The following HEATR1 variants were observed in gnomAD, a reference collection of about 807,000 sequenced individuals.
The protein encoded by HEATR1 is HEAT repeat-containing protein 1.
Under a neutral mutation model 248.2 loss-of-function variants are expected in HEATR1, and 77 were observed. The ratio of observed to expected loss-of-function variants is 0.31; its 90% CI spans 0.26 to 0.37. The LOEUF (loss-of-function observed/expected upper bound fraction) is 0.37, where lower values mean the gene tolerates loss of function less well. Ranked by LOEUF, HEATR1 falls within the 10% of genes least tolerant of loss-of-function variation. The pLI is 1.00. For missense variants in HEATR1, 2,420 were observed against 2,504.9 expected (o/e 0.97, Z 0.72); for synonymous variants, 897 against 923.1 (o/e 0.97, Z 0.51).
At chr1:236,588,422 TC>T (rs1477570444) in intron 12 of HEATR1, among the ~76,000 whole-genome samples, 1 of 152,232 alleles carries the variant, frequency 6.6e-6, no homozygotes, top group African/African-American at 2.4e-5. Context: ...GTAACTTTAG[TC>T]AAGTCACTTA....
intron 28 of HEATR1, 135 bp downstream of exon 28, chr1:236,571,216 G>A: frequency 9.3e-7 from 1 of 1,078,716 alleles, no homozygotes; most frequent in Non-Finnish European, 1.3e-6. Flanking sequence ...TGAAGAGGCA[G>A]GGCTGAGAGT....
At chr1:236,560,903 A>G (rs995215246) in intron 33 of HEATR1, among the ~76,000 whole-genome samples, 4 of 152,250 alleles carry the variant, frequency 2.6e-5, no homozygotes, top group Non-Finnish European at 4.4e-5. Context: ...GAGTGTTGGG[A>G]TAATTAGGGA....
chr1:236,572,395 A>AAC lies in HEATR1; in HGVS notation c.3707+15_3707+16insGT. On this transcript the variant is annotated intron_variant, in intron 26 of 44. Coordinates refer to ENST00000366582, the MANE Select transcript of HEATR1 (RefSeq NM_018072.6). ...AGAGTCCTATTCTCTCACAGATCAAAGCCAAGTGTCATTACCTTGATAGCA... is the reference window on the plus strand; with the variant it reads ...AGAGTCCTATTCTCTCACAGATCAAAACGCCAAGTGTCATTACCTTGATAGCA... 1 of 1,613,480 alleles carries AAC rather than the reference A, an allele frequency of 6.2e-7. No homozygotes were observed. Among genetic ancestry groups the AAC allele is most frequent in the African/African-American group, 1.3e-5 (1 of 75,012 alleles).
chr1:236,603,149 C>A lies in HEATR1; in HGVS notation c.359+11G>T. On this transcript the variant is annotated intron_variant, in intron 3 of 44. Transcript: ENST00000366582. ...TTAACCCATAGTTATTTCTGTAATTCTATTAGCTACCTGTGAATCAACCAC... is the reference window on the plus strand; with the variant it reads ...TTAACCCATAGTTATTTCTGTAATTATATTAGCTACCTGTGAATCAACCAC... 1 of 1,596,998 alleles carries A rather than the reference C, an allele frequency of 6.3e-7. No homozygotes were observed. The highest frequency in any genetic ancestry group is 1.1e-5 in the South Asian group (1 of 90,744).
intron 37 of HEATR1, among the ~76,000 whole-genome samples, chr1:236,556,773 G>C (rs1662990248): frequency 6.6e-6 from 1 of 152,156 alleles, no homozygotes; most frequent in Non-Finnish European, 1.5e-5. Flanking sequence ...CTGGCCCCTA[G>C]CGTGTTGACA....
chr1:236,599,413 T>C (rs1429126260), intron 4 of HEATR1, 70 bp downstream of exon 4: 2 of 1,378,794 alleles, frequency 1.5e-6, no homozygotes, highest in African/African-American at 1.4e-5. Flanking sequence ...CAATGACTTA[T>C]TTTTTCCTAA....
chr1:236,559,537 AT>A (rs1663066692), intron 34 of HEATR1, among the ~76,000 whole-genome samples, 176 bp downstream of exon 34: 1 of 152,156 alleles, frequency 6.6e-6, no homozygotes, highest in Non-Finnish European at 1.5e-5. Flanking sequence ...TAAGGAAACA[AT>A]TTTTTCCAGA....
In HEATR1 at chr1:236,581,377, C is replaced by G; in HGVS notation, c.2600G>C (p.Cys867Ser). 6.4e-7 allele frequency: 1 copy of G among 1,560,242 alleles called. No homozygotes were observed. Residue 867 changes from cysteine to serine, a missense_variant, in exon 20 of 45, where the codon TGT (cysteine) becomes TCT (serine). Coordinates refer to ENST00000366582, the MANE Select transcript of HEATR1 (RefSeq NM_018072.6). ...AGAACCATAGGTCCATAAAACAGAA[C>G]AGAACTTGAATAACTGAAAAACATC... is the stretch of plus-strand genomic sequence containing the variant. ...LEDVFQLFKF[C>S]SVLWTYGSSL...
chr1:236,590,838 G>A lies in HEATR1; in HGVS notation c.1530+9C>T. 1 of 1,419,084 alleles carries A rather than the reference G, an allele frequency of 7.0e-7. No homozygotes were observed. Among genetic ancestry groups the A allele is most frequent in the Non-Finnish European group, 9.4e-7 (1 of 1,059,390 alleles). 87.9% of individuals were successfully genotyped at this position (1,419,084 alleles called of 1,614,324 possible). A position where few individuals can be genotyped will look rare whatever the true frequency, so the allele number is the denominator to read the frequency against. On this transcript the variant is annotated intron_variant, in intron 12 of 44. Transcript: ENST00000366582. ...AAAAAACCATATAAAAAAGCGATCT[G>A]AAACAAACCTTTGATGTTTTCATGA...
intron 35 of HEATR1, 118 bp from the exon 36 acceptor site, chr1:236,558,647 A>T: frequency 1.0e-6 from 1 of 984,920 alleles, no homozygotes; most frequent in Non-Finnish European, 1.5e-6. Context: ...GTCCTGAGTC[A>T]CACAGTCATG....
At position 236,557,311 on chromosome 1, in the gene HEATR1, T is replaced by C; in HGVS notation, c.5239A>G (p.Thr1747Ala). Residue 1747 changes from threonine to alanine, a missense_variant, in exon 37 of 45, where the codon ACC (threonine) becomes GCC (alanine). By Grantham distance (58) the Thr-to-Ala change is moderately conservative (BLOSUM62 0). Coordinates refer to ENST00000366582, the MANE Select transcript of HEATR1 (RefSeq NM_018072.6). ...ACCTCGCTGGAGACCAGCTCGCTGG[T>C]GTTCTTCATTGTTGTCAGCAACGAT... ...MPSLLTTMKNTSELVSSEVYL... is the reference protein window; with the variant it reads ...MPSLLTTMKNASELVSSEVYL... 2 of 1,614,174 alleles carry C rather than the reference T, an allele frequency of 1.2e-6. No individual in the cohort carries two copies. Among genetic ancestry groups the C allele is most frequent in the South Asian group, 2.2e-5 (2 of 91,078 alleles).
At chr1:236,601,862 T>C (rs754381138) in intron 3 of HEATR1, among the ~76,000 whole-genome samples, 16 of 150,584 alleles carry the variant, frequency 1.1e-4, no homozygotes, top group Non-Finnish European at 1.9e-4. Context: ...CCGTGTGCAG[T>C]GGCTGTGGTG....
intron 44 of HEATR1, chr1:236,551,367 C>T (rs1032454879): frequency 9.6e-5 from 18 of 186,702 alleles, no homozygotes; most frequent in Non-Finnish European, 1.3e-4. Flanking sequence ...CACCACCCCT[C>T]CCTTAATAAT....
At chr1:236,561,201 G>A in intron 33 of HEATR1, 24 bp downstream of exon 33, 1 of 1,544,138 alleles carries the variant, frequency 6.5e-7, no homozygotes, top group Non-Finnish European at 8.9e-7. Flanking sequence ...CAAATAAAAA[G>A]TAGAAAAAGA....
At chr1:236,563,643 CCTT>C (rs1280922307) in intron 32 of HEATR1, among the ~76,000 whole-genome samples, 1 of 152,078 alleles carries the variant, frequency 6.6e-6, no homozygotes, top group Admixed American at 6.5e-5. Context: ...ATATGGTTTC[CCTT>C]CTTCATCTGT....
intron 21 of HEATR1, 61 bp downstream of exon 21, chr1:236,576,719 G>GA: frequency 6.8e-7 from 1 of 1,462,360 alleles, no homozygotes; most frequent in Non-Finnish European, 9.2e-7. Flanking sequence ...CGAGAATGGA[G>GA]AAAATTGCTC....
At chr1:236,553,146 C>T (rs1346390735) in intron 43 of HEATR1, among the ~76,000 whole-genome samples, 1 of 152,158 alleles carries the variant, frequency 6.6e-6, no homozygotes, top group African/African-American at 2.4e-5. Context: ...ACTTACTCAA[C>T]AAGATCATAA....
At chr1:236,575,096 T>C (rs1663531472) in intron 22 of HEATR1, among the ~76,000 whole-genome samples, 193 bp from the exon 23 acceptor site, 2 of 152,208 alleles carry the variant, frequency 1.3e-5, no homozygotes, top group Admixed American at 6.5e-5. Context: ...TGACAGTTCA[T>C]GTGTAATGCT....
rs1267684304 is a variant in HEATR1 at position 236,564,608 on chromosome 1, G to C, written c.4489C>G (p.Leu1497Val). 1 of 1,613,652 alleles carries C rather than the reference G, an allele frequency of 6.2e-7. No homozygotes were observed. Among genetic ancestry groups the C allele is most frequent in the Non-Finnish European group, 8.5e-7 (1 of 1,179,920 alleles). Reference sequence around the variant, plus strand: ...TGAGTCTCTACATTAAAAACCTGTAGCATTTCTTCTTGTGATTCACTCTTA... The same window carrying C: ...TGAGTCTCTACATTAAAAACCTGTACCATTTCTTCTTGTGATTCACTCTTA... ...FNKSESQEEM[L>V]QVFNVETHTS... Residue 1497 changes from leucine (L) to valine (V), a missense_variant, in exon 32 of 45, where the codon CTA (leucine) becomes GTA (valine). Leu to Val is a conservative substitution (Grantham distance 32). Transcript: ENST00000366582.
Sources: allele counts gnomAD v4.1 joint callset (sites outside exome capture counted in the v4.1 genomes callset), GRCh38; gene constraint gnomAD v4.1.1; transcripts MANE v1.5; gene names NCBI Gene and HGNC (gene_info 2026-07-23, HGNC 2026-07-21).